SLC14A2: variants seen among roughly 807,000 people sequenced by gnomAD.
The protein encoded by SLC14A2 is solute carrier family 14 member 2.
Under a neutral mutation model 104.6 loss-of-function variants are expected in SLC14A2, and 91 were observed. That is an observed-to-expected ratio of 0.87 (90% confidence interval 0.73 to 1.04). The LOEUF (loss-of-function observed/expected upper bound fraction) is 1.04, where lower values mean the gene tolerates loss of function less well. SLC14A2 is among the 50% of genes least tolerant of loss of function. The probability of loss-of-function intolerance (pLI) is 0.00; values close to 1 mark genes in which losing one functional copy is unlikely to be tolerated. For missense variants in SLC14A2, 1,189 were observed against 1,156.0 expected (o/e 1.03, Z -0.41); for synonymous variants, 476 against 466.4 (o/e 1.02, Z -0.27).
intron 18 of SLC14A2, 85 bp from the exon 19 acceptor site, chr18:45,678,890 G>A: frequency 1.6e-6 from 2 of 1,237,210 alleles, no homozygotes; most frequent in South Asian, 1.4e-5. Flanking sequence ...GCATAAAATT[G>A]ATGGGAAGAG....
chr18:45,530,864 A>C (rs1164245437), intron 2 of SLC14A2, among the ~76,000 whole-genome samples: 2 of 150,978 alleles, frequency 1.3e-5, no homozygotes, highest in African/African-American at 4.9e-5. Context: ...CCCACCCCAC[A>C]ACAGTCCCTG....
chr18:45,169,799 G>T, the SLC14A2 span, among the ~76,000 whole-genome samples: 2 of 151,994 alleles, frequency 1.3e-5, no homozygotes, highest in African/African-American at 4.8e-5. Context: ...TCTAGCTATT[G>T]GGCAATACCA....
chr18:45,350,401 A>G (rs2144304775), intron 1 of SLC14A2, among the ~76,000 whole-genome samples: 1 of 152,320 alleles, frequency 6.6e-6, no homozygotes, highest in South Asian at 2.1e-4. Context: ...GGTCACAGGG[A>G]CAGCACGTTC....
At chr18:45,416,563 A>G (rs1179503353) in intron 1 of SLC14A2, among the ~76,000 whole-genome samples, 2 of 152,150 alleles carry the variant, frequency 1.3e-5, no homozygotes, top group East Asian at 3.9e-4. Context: ...CTCTTTGGGG[A>G]AGAAAACTTT....
intron 2 of SLC14A2, among the ~76,000 whole-genome samples, chr18:45,552,413 T>C (rs1366128434): frequency 6.6e-6 from 1 of 151,662 alleles, no homozygotes; most frequent in Non-Finnish European, 1.5e-5. Context: ...GAGTTTCCCT[T>C]CTCCTTTCTT....
chr18:45,475,669 A>AG (rs1367224780), intron 1 of SLC14A2, among the ~76,000 whole-genome samples: 14 of 93,558 alleles, frequency 1.5e-4, no homozygotes, highest in Non-Finnish European at 2.5e-4. Flanking sequence ...ATATATATAT[A>AG]TATATATATA....
At chr18:45,538,611 CAAAG>C (rs924734636) in intron 2 of SLC14A2, among the ~76,000 whole-genome samples, 1 of 152,118 alleles carries the variant, frequency 6.6e-6, no homozygotes, top group Non-Finnish European at 1.5e-5. Flanking sequence ...AGTGACTCAA[CAAAG>C]AAAGAGGGAA....
intron 1 of SLC14A2, among the ~76,000 whole-genome samples, chr18:45,458,833 C>T (rs1160629501): frequency 3.3e-5 from 5 of 152,124 alleles, no homozygotes; most frequent in South Asian, 2.1e-4. Flanking sequence ...AACAGACACC[C>T]GGATGAAACT....
At chr18:45,291,997 T>C (rs182106608) in intron 1 of SLC14A2, among the ~76,000 whole-genome samples, 341 of 152,332 alleles carry the variant, frequency 2.2e-3, no homozygotes, top group Non-Finnish European at 3.7e-3. Flanking sequence ...GCAATTCTTT[T>C]CAGCCATTTG....
chr18:45,330,042 C>T (rs2085273515), intron 1 of SLC14A2, among the ~76,000 whole-genome samples: 1 of 152,162 alleles, frequency 6.6e-6, no homozygotes, highest in South Asian at 2.1e-4. Flanking sequence ...AAAATAATAT[C>T]TCGTTCTACA....
chr18:45,303,732 T>A (rs2084990371), intron 1 of SLC14A2, among the ~76,000 whole-genome samples: 2 of 152,234 alleles, frequency 1.3e-5, no homozygotes, highest in African/African-American at 4.8e-5. Context: ...AACAGGTGGA[T>A]CATACTGTGC....
chr18:45,638,263 CCCTT>C (rs1383300599), intron 6 of SLC14A2, among the ~76,000 whole-genome samples: 2 of 152,192 alleles, frequency 1.3e-5, no homozygotes, highest in African/African-American at 4.8e-5. Flanking sequence ...GAGTACCCCT[CCCTT>C]GCCATTCCTT....
chr18:45,292,969 G>C (rs1450675606), intron 1 of SLC14A2, among the ~76,000 whole-genome samples: 2 of 151,936 alleles, frequency 1.3e-5, no homozygotes, highest in African/African-American at 4.8e-5. Flanking sequence ...TAAATGATAA[G>C]CTTTGTTGCT....
At chr18:45,357,413 C>T (rs1053944529) in intron 1 of SLC14A2, among the ~76,000 whole-genome samples, 1 of 151,828 alleles carries the variant, frequency 6.6e-6, no homozygotes, top group Non-Finnish European at 1.5e-5. Flanking sequence ...GAGTTCAAGA[C>T]TAGCCTGGAC....
Position 45,666,964 on chromosome 18 carries a change from G to A in SLC14A2, c.1587G>A (p.Glu529=). 2 of 1,614,142 alleles carry A rather than the reference G, an allele frequency of 1.2e-6. No homozygotes were observed. The highest frequency in any genetic ancestry group is 1.7e-6 in the Non-Finnish European group (2 of 1,179,980). ...TGGACACCATGGAGGAGAGCTCTGA[G>A]ATAAAAGTGGAAACAAACATTTCCA... The part of the protein sequence containing the change: ...LDLDTMEESS[E]IKVETNISKT... The change falls in exon 13 of 20, where the codon GAG becomes GAA. Residue 529 remains glutamate (E), a synonymous_variant. Transcript: ENST00000255226.
At chr18:45,682,242 T>C in intron 19 of SLC14A2, 77 bp from the exon 20 acceptor site, 1 of 1,261,014 alleles carries the variant, frequency 7.9e-7, no homozygotes. Flanking sequence ...CCCAGGGCTG[T>C]AGGTGATTGA....
At position 45,268,709 on chromosome 18, in the gene SLC14A2, G is replaced by A. The variant is rs190941450; in HGVS notation, c.-125+55518G>A. 4.6e-5 allele frequency among the ~76,000 whole-genome samples: 7 copies of A among 152,294 alleles called. No homozygotes were observed. In the East Asian group the frequency reaches 7.7e-4, roughly 17 times the overall value. ...AGGTGGTAAAAAGTCTGGACTGCAGGCATTTCATCTGTTGAATGGAGAAGG... is the reference window on the plus strand; with the variant it reads ...AGGTGGTAAAAAGTCTGGACTGCAGACATTTCATCTGTTGAATGGAGAAGG... On this transcript the variant is annotated intron_variant, in intron 1 of 20. Transcript: ENST00000586448.
intron 1 of SLC14A2, among the ~76,000 whole-genome samples, chr18:45,444,341 C>A (rs563466701): frequency 1.2e-4 from 18 of 152,192 alleles, no homozygotes; most frequent in African/African-American, 4.3e-4. Context: ...CCCTGTGGAC[C>A]CTGCCAGTTC....
intron 1 of SLC14A2, among the ~76,000 whole-genome samples, chr18:45,363,305 G>A (rs2085633185): frequency 6.6e-6 from 1 of 151,952 alleles, no homozygotes; most frequent in Non-Finnish European, 1.5e-5. Context: ...CTTTCAATAT[G>A]GGCACAAAAC....
Sources: gnomAD v4.1 joint callset for allele counts (sites outside exome capture counted in the v4.1 genomes callset) on GRCh38, gnomAD v4.1.1 for gene constraint, MANE v1.5 for transcripts, NCBI Gene and HGNC (gene_info 2026-07-23, HGNC 2026-07-21) for gene names.